Variants in SGCZ observed in about 807,000 individuals in gnomAD.
SGCZ encodes the protein zeta-sarcoglycan.
A neutral mutation model predicts 41.3 loss-of-function variants in SGCZ; 40 were observed. That is an observed-to-expected ratio of 0.97 (90% confidence interval 0.75 to 1.26). SGCZ has a LOEUF of 1.26. Among genes scored for constraint, SGCZ ranks in the 50% most tolerant of loss-of-function variants. SGCZ has a pLI of 0.00. For missense variants in SGCZ, 552 were observed against 369.8 expected, an observed-to-expected ratio of 1.49 and a Z score of -4.04; for synonymous variants, 206 against 137.5, an observed-to-expected ratio of 1.50 and a Z score of -3.49.
chr8:14,641,468 T>A (rs941956001), intron 1 of SGCZ, among the ~76,000 whole-genome samples: 2 of 151,706 alleles, frequency 1.3e-5, no homozygotes, highest in African/African-American at 2.4e-5. Flanking sequence ...TCAAAAACAA[T>A]TCTAGGACGC....
At chr8:14,746,157 T>C (rs1799335511) in intron 1 of SGCZ, among the ~76,000 whole-genome samples, 1 of 152,146 alleles carries the variant, frequency 6.6e-6, no homozygotes, top group Middle Eastern at 3.4e-3. Context: ...ATTAGCATAA[T>C]AGATATTAAA....
At chr8:14,295,027 C>G (rs907208374) in intron 3 of SGCZ, among the ~76,000 whole-genome samples, 1 of 152,046 alleles carries the variant, frequency 6.6e-6, no homozygotes, top group African/African-American at 2.4e-5. Context: ...TTTTCAATTT[C>G]TTGAAAATTA....
intron 1 of SGCZ, among the ~76,000 whole-genome samples, chr8:14,567,251 C>T (rs1029992540): frequency 3.3e-5 from 5 of 152,216 alleles, no homozygotes; most frequent in Non-Finnish European, 5.9e-5. Flanking sequence ...GCAGGCAACT[C>T]CATCTGCCAC....
intron 1 of SGCZ, among the ~76,000 whole-genome samples, chr8:14,892,117 G>A (rs1245551798): frequency 1.3e-5 from 2 of 152,152 alleles, no homozygotes; most frequent in Non-Finnish European, 1.5e-5. Context: ...TACGTATGTA[G>A]TTGTACATCA....
chr8:15,007,797 G>C (rs1378752437), intron 1 of SGCZ, among the ~76,000 whole-genome samples: 1 of 152,034 alleles, frequency 6.6e-6, no homozygotes, highest in East Asian at 1.9e-4. Context: ...AAAATAGATA[G>C]CAGCATTTAT....
At chr8:14,317,867 T>C (rs1801768359) in intron 3 of SGCZ, among the ~76,000 whole-genome samples, 1 of 151,968 alleles carries the variant, frequency 6.6e-6, no homozygotes. Context: ...CAGAAATTTT[T>C]ATGAAACTTC....
chr8:14,100,992 A>G (rs1260982641), intron 7 of SGCZ, among the ~76,000 whole-genome samples: 1 of 152,172 alleles, frequency 6.6e-6, no homozygotes, highest in East Asian at 1.9e-4. Flanking sequence ...ACAGATTTAC[A>G]CTGTCAAGAA....
intron 7 of SGCZ, among the ~76,000 whole-genome samples, chr8:14,094,567 G>A (rs1417452049): frequency 2.0e-5 from 3 of 152,110 alleles, no homozygotes; most frequent in Non-Finnish European, 4.4e-5. Context: ...CCGAGTCCCT[G>A]CTATTGTGAA....
At chr8:14,598,993 C>A (rs922799371) in intron 1 of SGCZ, among the ~76,000 whole-genome samples, 1 of 151,938 alleles carries the variant, frequency 6.6e-6, no homozygotes, top group African/African-American at 2.4e-5. Flanking sequence ...TTTCAATATC[C>A]ACATAATGTT....
intron 1 of SGCZ, among the ~76,000 whole-genome samples, chr8:14,979,708 A>G (rs1291895400): frequency 6.6e-6 from 1 of 152,198 alleles, no homozygotes; most frequent in Non-Finnish European, 1.5e-5. Context: ...CCAATATTCT[A>G]CACTAAAAAA....
rs1554467204 is a variant in SGCZ, at chr8:14,146,890, A to AATAATAAT, written c.547+17689_547+17690insATTATTAT. Among the ~76,000 whole-genome samples, 12 of 116,262 alleles carry AATAATAAT rather than the reference A, an allele frequency of 1.0e-4. 1 individual carries two copies. The highest frequency in any genetic ancestry group is 4.3e-4 in the African/African-American group (12 of 27,962). The allele number at this position is 116,262 out of a possible 152,430, so 76.3% of individuals were successfully genotyped here. On this transcript the variant is annotated intron_variant, in intron 5 of 7. Transcript: ENST00000382080. ...CCGTCTCAAAAAATAAAAATAAAAAAAATAATAATAATAATAACTACAGCA... is the reference window on the plus strand; with the variant it reads ...CCGTCTCAAAAAATAAAAATAAAAAAATAATAATAATAATAATAATAATAACTACAGCA...
chr8:14,931,681 G>A (rs1007647531), intron 1 of SGCZ, among the ~76,000 whole-genome samples: 2 of 151,864 alleles, frequency 1.3e-5, no homozygotes, highest in South Asian at 2.1e-4. Flanking sequence ...TGTGAATTAC[G>A]GAACATTATA....
intron 1 of SGCZ, among the ~76,000 whole-genome samples, chr8:14,827,516 T>C (rs1585297113): frequency 6.6e-6 from 1 of 152,104 alleles, no homozygotes; most frequent in South Asian, 2.1e-4. Flanking sequence ...ATATCACATT[T>C]TCTAATGTCC....
chr8:14,247,417 C>A (rs1295199193), intron 3 of SGCZ, among the ~76,000 whole-genome samples: 6 of 152,108 alleles, frequency 3.9e-5, no homozygotes, highest in Admixed American at 3.9e-4. Context: ...CATGACAGTC[C>A]ATTTACAGGG....
chr8:14,646,829 G>T (rs1289568672), intron 1 of SGCZ, among the ~76,000 whole-genome samples: 1 of 151,822 alleles, frequency 6.6e-6, no homozygotes, highest in African/African-American at 2.4e-5. Flanking sequence ...AATACACCAG[G>T]AACTGGGAAG....
chr8:14,309,443 T>G lies in SGCZ; in HGVS notation c.336+14660A>C, dbSNP rs1043120520. ...ACTTCTGTGCCTTATTGGACAATCT[T>G]CTGATGACTGCAGTGATGATGTATG... On this transcript the variant is annotated intron_variant, in intron 3 of 7. Transcript: ENST00000382080. 12 of 1,606,434 alleles carry G rather than the reference T, an allele frequency of 7.5e-6. No individual in the cohort carries two copies. In the African/African-American group the frequency reaches 1.1e-4, roughly 14 times the overall value.
chr8:15,064,730 C>T (rs770777334), intron 1 of SGCZ, among the ~76,000 whole-genome samples: 3 of 152,094 alleles, frequency 2.0e-5, no homozygotes, highest in Non-Finnish European at 2.9e-5. Flanking sequence ...GCTCTATAAA[C>T]CCCTAGTTTG....
intron 2 of SGCZ, among the ~76,000 whole-genome samples, chr8:14,540,260 T>A (rs1056173930): frequency 6.8e-6 from 1 of 147,112 alleles, no homozygotes; most frequent in African/African-American, 2.5e-5. Context: ...CAAATTTCTG[T>A]CTTTTTGTTA....
chr8:14,905,208 A>G (rs557514760), intron 1 of SGCZ, among the ~76,000 whole-genome samples: 1 of 152,088 alleles, frequency 6.6e-6, no homozygotes, highest in Non-Finnish European at 1.5e-5. Context: ...AAATATAACA[A>G]ACACTTCCTT....
Sources: allele counts gnomAD v4.1 joint callset (sites outside exome capture counted in the v4.1 genomes callset), GRCh38; gene constraint gnomAD v4.1.1; transcripts MANE v1.5; gene names NCBI Gene and HGNC (gene_info 2026-07-23, HGNC 2026-07-21).